Variants in FAM20B observed in about 807,000 individuals in gnomAD.
The protein encoded by FAM20B is FAM20B glycosaminoglycan xylosylkinase.
In FAM20B, 23 loss-of-function variants were observed where a neutral mutation model predicts 43.8. That is an observed-to-expected ratio of 0.53 (90% CI 0.38 to 0.74). The LOEUF (loss-of-function observed/expected upper bound fraction) is 0.74. Among genes scored for constraint, FAM20B ranks in the 30% least tolerant of loss-of-function variants. FAM20B has a pLI of 0.00. For missense variants in FAM20B, 440 were observed against 510.5 expected (o/e 0.86, Z 1.33); for synonymous variants, 178 against 192.4 (o/e 0.93, Z 0.62).
At chr1:179,032,313 C>CTTTTTTTTTTTTTTTTTTTTTTTTTTT (rs547439601) in intron 1 of FAM20B, among the ~76,000 whole-genome samples, 1 of 111,936 alleles carries the variant, frequency 8.9e-6, no homozygotes, top group African/African-American at 3.1e-5. Flanking sequence ...AGGTCTCATT[C>CTTTTTTTTTTTTTTTTTTTTTTTTTTT]TTTTTTTTTT....
At position 179,027,144 on chromosome 1, in the gene FAM20B, G is replaced by A. The variant is rs547936025; in HGVS notation, c.-134+1046G>A. Among the ~76,000 whole-genome samples the A allele has an allele frequency of 9.2e-5, 14 of 152,084 alleles. 1 individual carries two copies. In the South Asian group the frequency reaches 2.9e-3, roughly 32 times the overall value. On this transcript the variant is annotated intron_variant, in intron 1 of 7. Transcript: ENST00000263733. ...CTTGGAAGGGAAGTAGGAATGTGGG[G>A]TTTTTTTTAGCCTTTAGCCTTTAAA...
chr1:179,055,332 G>A (rs1031262798), intron 4 of FAM20B, among the ~76,000 whole-genome samples: 1 of 152,130 alleles, frequency 6.6e-6, no homozygotes, highest in Non-Finnish European at 1.5e-5. Context: ...CTCTTTTTCA[G>A]TGATACAGTG....
chr1:179,041,303 G>A lies in FAM20B; in HGVS notation c.-133-2412G>A, dbSNP rs1184746546. On this transcript the variant is annotated intron_variant, in intron 1 of 7. Coordinates refer to ENST00000263733, the MANE Select transcript of FAM20B (RefSeq NM_014864.4). ...TCGGCCTTTTGGGAGGCCAAGGCAG[G>A]CGGCTGGGAGGTGGAGGTTGTAGCG... 2.0e-5 allele frequency among the ~76,000 whole-genome samples: 3 copies of A among 152,212 alleles called. No homozygotes were observed. In the East Asian group the frequency reaches 5.8e-4, roughly 29 times the overall value.
rs1572522257 is a variant in FAM20B at position 179,025,937 on chromosome 1, A to C, written c.-295A>C. The stretch of plus-strand genomic sequence containing the variant: ...CTGCGCGGCGAGAGGTGGCCTGGGA[A>C]TGGCCGGGCCGGGGGTGGGCCGGAG... On this transcript the variant is annotated 5_prime_UTR_variant, in exon 1 of 8. The change abolishes an upstream ATG in the 5' untranslated region. Coordinates refer to ENST00000263733, the MANE Select transcript of FAM20B (RefSeq NM_014864.4). 5.5e-5 allele frequency: 4 copies of C among 72,212 alleles called. No individual in the cohort carries two copies. The highest frequency in any genetic ancestry group is 4.1e-4 in the South Asian group (1 of 2,458). 4.5% of individuals were successfully genotyped at this position (72,212 alleles called of 1,614,324 possible). A position where few individuals can be genotyped will look rare whatever the true frequency, so the allele number is the denominator to read the frequency against.
At chr1:179,040,623 C>CT (rs1650458502) in intron 1 of FAM20B, among the ~76,000 whole-genome samples, 1 of 136,930 alleles carries the variant, frequency 7.3e-6, no homozygotes, top group Non-Finnish European at 1.5e-5. Context: ...CGGGCAGAGG[C>CT]GCCCCTCACC....
At chr1:179,031,446 A>G (rs1650007937) in intron 1 of FAM20B, among the ~76,000 whole-genome samples, 2 of 152,334 alleles carry the variant, frequency 1.3e-5, no homozygotes, top group Middle Eastern at 3.4e-3. Context: ...CCCTAAATCA[A>G]GGTTTAAATG....
intron 3 of FAM20B, among the ~76,000 whole-genome samples, chr1:179,052,123 C>T (rs56948577): frequency 0.021 from 3,243 of 152,074 alleles, 132 homozygotes; most frequent in African/African-American, 0.075. Context: ...AAACAACAAA[C>T]GGAGAAAACA....
chr1:179,054,841 G>A lies in FAM20B; in HGVS notation c.574+203G>A, dbSNP rs532568298. Among the ~76,000 whole-genome samples the A allele has an allele frequency of 2.3e-4, 35 of 152,278 alleles. No homozygotes were observed. The East Asian group carries it at 5.6e-3, about 24-fold the overall frequency. On this transcript the variant is annotated intron_variant, in intron 4 of 7. Transcript: ENST00000263733. The stretch of plus-strand genomic sequence containing the variant: ...AAATTGAAATTTTCCTGTATACTTT[G>A]TGTTGTCTGTGACATAGGGAGTGAG...
At chr1:179,058,370 G>A (rs1438630283) in intron 4 of FAM20B, among the ~76,000 whole-genome samples, 7 of 152,188 alleles carry the variant, frequency 4.6e-5, no homozygotes, top group African/African-American at 1.7e-4. Context: ...TTTTAGTAGA[G>A]GTTAGTGAAA....
rs546983916 is a variant in FAM20B, at chr1:179,054,918, G to C, written c.574+280G>C. 2.9e-4 allele frequency among the ~76,000 whole-genome samples: 44 copies of C among 152,284 alleles called. No homozygotes were observed. The Middle Eastern group carries it at 0.01, about 35-fold the overall frequency. ...GATTATTTCCTTCTGCTTTCTCTTA[G>C]AGCTATTAGTAAGTCTCAAACTCAG... is the stretch of plus-strand genomic sequence containing the variant. On this transcript the variant is annotated intron_variant, in intron 4 of 7. Coordinates refer to ENST00000263733, the MANE Select transcript of FAM20B (RefSeq NM_014864.4).
intron 4 of FAM20B, among the ~76,000 whole-genome samples, chr1:179,060,188 A>G (rs1469184016): frequency 6.6e-6 from 1 of 152,162 alleles, no homozygotes; most frequent in Non-Finnish European, 1.5e-5. Flanking sequence ...AATAGATTCT[A>G]GAAATCTGTA....
intron 1 of FAM20B, among the ~76,000 whole-genome samples, chr1:179,040,623 C>T (rs1310568861): frequency 3.7e-5 from 5 of 136,930 alleles, no homozygotes; most frequent in South Asian, 4.5e-4. Flanking sequence ...CGGGCAGAGG[C>T]GCCCCTCACC....
At chr1:179,053,617 A>C (rs1008202170) in intron 3 of FAM20B, among the ~76,000 whole-genome samples, 6 of 152,140 alleles carry the variant, frequency 3.9e-5, no homozygotes, top group African/African-American at 1.4e-4. Flanking sequence ...TTATTTTGAC[A>C]AATCTGTTGA....
In FAM20B at chr1:179,060,639, CCT is replaced by C. The variant is rs759698741; in HGVS notation, c.575-3287_575-3286del. On this transcript the variant is annotated intron_variant, in intron 4 of 7. Transcript: ENST00000263733. Reference sequence around the variant, plus strand: ...AACCATTCCCACCCAGTCCCCAACCCCTGTCTGTGGAAAATTGTCTTCCACTA... The same window carrying C: ...AACCATTCCCACCCAGTCCCCAACCCGTCTGTGGAAAATTGTCTTCCACTA... Among the ~76,000 whole-genome samples, 7 of 152,180 alleles carry C rather than the reference CCT, an allele frequency of 4.6e-5. No individual in the cohort carries two copies. In the South Asian group the frequency reaches 1.0e-3, roughly 22 times the overall value.
At chr1:179,037,972 T>C (rs1650319968) in intron 1 of FAM20B, among the ~76,000 whole-genome samples, 3 of 152,194 alleles carry the variant, frequency 2.0e-5, no homozygotes, top group Non-Finnish European at 4.4e-5. Flanking sequence ...TTGGAACTGT[T>C]AGAACTTCTT....
intron 6 of FAM20B, among the ~76,000 whole-genome samples, chr1:179,065,147 C>CT (rs558786524): frequency 0.024 from 3,510 of 146,890 alleles, 146 homozygotes; most frequent in African/African-American, 0.084. Flanking sequence ...TAGTGCCACA[C>CT]TTTTTTTTTT....
At chr1:179,055,076 C>T (rs946840762) in intron 4 of FAM20B, among the ~76,000 whole-genome samples, 1 of 152,180 alleles carries the variant, frequency 6.6e-6, no homozygotes, top group Non-Finnish European at 1.5e-5. Flanking sequence ...TTAGGAGGCT[C>T]AGAAATTATT....
At chr1:179,025,220 C>T (rs1649704497), upstream of FAM20B, among the ~76,000 whole-genome samples, 1 of 152,186 alleles carries the variant, frequency 6.6e-6, no homozygotes, top group Non-Finnish European at 1.5e-5. Flanking sequence ...GACCCAGGAG[C>T]GACTGACCTG....
chr1:179,075,941 C>T lies in FAM20B; in HGVS notation c.*3797C>T, dbSNP rs1652111466. ...ATATGCCTCATCCTGTGAGTTTGAG[C>T]TTCAGGAAACATGAGTAAAAGTATA... is the stretch of plus-strand genomic sequence containing the variant. On this transcript the variant is annotated 3_prime_UTR_variant, in exon 8 of 8. Transcript: ENST00000263733. 1 of 152,112 alleles carries T rather than the reference C, an allele frequency of 6.6e-6. No individual in the cohort carries two copies. Among genetic ancestry groups the T allele is most frequent in the Admixed American group, 6.6e-5 (1 of 15,264 alleles). The allele number at this position is 152,112 out of a possible 1,614,324, so 9.4% of individuals were successfully genotyped here.
Sources: allele counts gnomAD v4.1 joint callset (sites outside exome capture counted in the v4.1 genomes callset), GRCh38; gene constraint gnomAD v4.1.1; transcripts MANE v1.5; gene names NCBI Gene and HGNC (gene_info 2026-07-23, HGNC 2026-07-21).